Variants in CDKAL1 observed in about 807,000 individuals in gnomAD.
CDKAL1 encodes the protein CDKAL1 threonylcarbamoyladenosine tRNA methylthiotransferase, also known as threonylcarbamoyladenosine tRNA methylthiotransferase.
Under a neutral mutation model 68.2 loss-of-function variants are expected in CDKAL1, and 32 were observed. That is an observed-to-expected ratio of 0.47 (90% CI 0.35 to 0.63). The LOEUF is 0.63. Among genes scored for constraint, CDKAL1 ranks in the 30% least tolerant of loss-of-function variants. The pLI, the probability that CDKAL1 is intolerant of heterozygous loss-of-function variation, is 0.00. For missense variants in CDKAL1, 606 were observed against 696.7 expected, an observed-to-expected ratio of 0.87 and a Z score of 1.47; for synonymous variants, 234 against 244.3, an observed-to-expected ratio of 0.96 and a Z score of 0.39.
chr6:20,975,387 CTG>C (rs1036459683), intron 10 of CDKAL1, among the ~76,000 whole-genome samples: 4 of 151,928 alleles, frequency 2.6e-5, no homozygotes, highest in Admixed American at 6.6e-5. Context: ...TTTTTTGAAA[CTG>C]TGTCTGTGAT....
chr6:20,912,858 A>G (rs1475418772), intron 9 of CDKAL1, among the ~76,000 whole-genome samples: 3 of 152,148 alleles, frequency 2.0e-5, no homozygotes, highest in Non-Finnish European at 4.4e-5. Context: ...TTAAAATAAG[A>G]TGTTGTTACA....
intron 4 of CDKAL1, among the ~76,000 whole-genome samples, chr6:20,641,339 T>G (rs924994973): frequency 3.3e-5 from 5 of 152,118 alleles, no homozygotes; most frequent in Non-Finnish European, 7.4e-5. Flanking sequence ...ATTCAAACAG[T>G]ACAGATAGAT....
At chr6:21,164,431 C>G (rs1242958872) in intron 13 of CDKAL1, among the ~76,000 whole-genome samples, 1 of 151,872 alleles carries the variant, frequency 6.6e-6, no homozygotes, top group Non-Finnish European at 1.5e-5. Context: ...TGCCTCATAC[C>G]CTATAGCAGC....
At chr6:21,141,060 A>G (rs1775881866) in intron 13 of CDKAL1, among the ~76,000 whole-genome samples, 1 of 152,128 alleles carries the variant, frequency 6.6e-6, no homozygotes, top group Non-Finnish European at 1.5e-5. Context: ...CCCTCCCACA[A>G]CACATGGGAA....
chr6:20,654,471 A>T (rs1009803995), intron 5 of CDKAL1, among the ~76,000 whole-genome samples: 2 of 151,832 alleles, frequency 1.3e-5, no homozygotes, highest in African/African-American at 4.8e-5. Flanking sequence ...AAAGTTTATT[A>T]ATCCGTTCTT....
At chr6:20,579,815 G>A (rs1765068351) in intron 4 of CDKAL1, among the ~76,000 whole-genome samples, 1 of 152,176 alleles carries the variant, frequency 6.6e-6, no homozygotes, top group African/African-American at 2.4e-5. Flanking sequence ...AAGATTGACA[G>A]TATCAAAACA....
At chr6:20,688,417 G>T (rs1002291625) in intron 5 of CDKAL1, among the ~76,000 whole-genome samples, 1 of 150,836 alleles carries the variant, frequency 6.6e-6, no homozygotes, top group Non-Finnish European at 1.5e-5. Flanking sequence ...CTGTTGAGAG[G>T]TTTCTTTCGT....
chr6:21,204,716 T>C (rs1440302566), intron 15 of CDKAL1, among the ~76,000 whole-genome samples: 1 of 152,224 alleles, frequency 6.6e-6, no homozygotes, highest in Non-Finnish European at 1.5e-5. Flanking sequence ...TCACAAAATT[T>C]GAAGGTAGAA....
At chr6:21,023,143 A>G (rs551243694) in intron 11 of CDKAL1, among the ~76,000 whole-genome samples, 1 of 125,478 alleles carries the variant, frequency 8.0e-6, no homozygotes, top group South Asian at 2.5e-4. Context: ...TTTTTTTTTT[A>G]CCATTAGCCT....
intron 15 of CDKAL1, among the ~76,000 whole-genome samples, chr6:21,213,374 CTAA>C (rs751882841): frequency 9.2e-5 from 14 of 152,152 alleles, no homozygotes; most frequent in Admixed American, 5.9e-4. Flanking sequence ...GATCAAGATA[CTAA>C]TAATATCTCG....
chr6:21,135,694 G>T lies in CDKAL1; in HGVS notation c.1299+27231G>T, dbSNP rs1019559359. The T allele has an allele frequency of 4.1e-6, 4 of 984,806 alleles. No individual in the cohort carries two copies. In the African/African-American group the frequency reaches 5.2e-5, roughly 13 times the overall value. 61.0% of individuals were successfully genotyped at this position (984,806 alleles called of 1,614,324 possible). On this transcript the variant is annotated intron_variant, in intron 13 of 15. Transcript: ENST00000274695. ...TCTTTAAAATTAAGGACATTCATCTGGAAGCTGGGACAGGACTGAAAGGGA... is the reference window on the plus strand; with the variant it reads ...TCTTTAAAATTAAGGACATTCATCTTGAAGCTGGGACAGGACTGAAAGGGA...
intron 10 of CDKAL1, chr6:20,993,514 AG>A (rs1766948787): frequency 6.6e-6 from 1 of 152,206 alleles, no homozygotes; most frequent in Non-Finnish European, 1.5e-5. Context: ...GTGATTGCAC[AG>A]GGGCCATGCT....
At chr6:20,971,618 CAT>C (rs1195822226) in intron 10 of CDKAL1, among the ~76,000 whole-genome samples, 3 of 152,130 alleles carry the variant, frequency 2.0e-5, no homozygotes, top group Non-Finnish European at 4.4e-5. Flanking sequence ...TTATTACTAA[CAT>C]ATTTGTTATA....
At chr6:20,558,659 A>G (rs889654968) in intron 4 of CDKAL1, 3 of 451,484 alleles carry the variant, frequency 6.6e-6, no homozygotes, top group African/African-American at 6.0e-5. Flanking sequence ...ATCACACCAC[A>G]TTTCCATGTT....
At chr6:20,818,540 A>T (rs1223329556) in intron 8 of CDKAL1, among the ~76,000 whole-genome samples, 2 of 151,980 alleles carry the variant, frequency 1.3e-5, no homozygotes, top group Non-Finnish European at 2.9e-5. Flanking sequence ...ATGACCTAAA[A>T]AATATAGTTC....
chr6:20,904,155 G>A (rs1189587710), intron 9 of CDKAL1, among the ~76,000 whole-genome samples: 3 of 152,268 alleles, frequency 2.0e-5, no homozygotes, highest in Middle Eastern at 3.4e-3. Flanking sequence ...TGCAAACAAA[G>A]TGGTGGGCAA....
intron 13 of CDKAL1, among the ~76,000 whole-genome samples, chr6:21,133,185 G>A (rs909185184): frequency 6.6e-6 from 1 of 152,174 alleles, no homozygotes; most frequent in East Asian, 1.9e-4. Flanking sequence ...GCCAATTCAC[G>A]TGTCAGGCAG....
chr6:20,630,317 C>G (rs574913469), intron 4 of CDKAL1, among the ~76,000 whole-genome samples: 1 of 152,080 alleles, frequency 6.6e-6, no homozygotes, highest in Non-Finnish European at 1.5e-5. Context: ...CACCCTCTTC[C>G]CCTTGGATGG....
rs905726702 is a variant in CDKAL1, at chr6:20,838,961, C to T, written c.639-7114C>T. Among the ~76,000 whole-genome samples, 7 of 147,782 alleles carry T rather than the reference C, an allele frequency of 4.7e-5. No individual in the cohort carries two copies. In the South Asian group the frequency reaches 6.4e-4, roughly 14 times the overall value. ...CTGCACACCAGCCTGGGAGACAGAG[C>T]GAGACTCCATCTCAAAAAAAAAAAA... On this transcript the variant is annotated intron_variant, in intron 8 of 15. Transcript: ENST00000274695.
Sources: gnomAD v4.1 joint callset for allele counts (sites outside exome capture counted in the v4.1 genomes callset) on GRCh38, gnomAD v4.1.1 for gene constraint, MANE v1.5 for transcripts, NCBI Gene and HGNC (gene_info 2026-07-23, HGNC 2026-07-21) for gene names.